GPR149: variants seen among roughly 807,000 people sequenced by gnomAD.
The protein encoded by GPR149 is G protein-coupled receptor 149, also known as probable G protein-coupled receptor 149.
Under a neutral mutation model 50.2 loss-of-function variants are expected in GPR149, and 50 were observed. The ratio of observed to expected loss-of-function variants is 1.00; its 90% confidence interval spans 0.79 to 1.26. The LOEUF (loss-of-function observed/expected upper bound fraction) is 1.26, where lower values mean the gene tolerates loss of function less well. Ranked by LOEUF, GPR149 falls within the 50% of genes most tolerant of loss-of-function variation. The probability of loss-of-function intolerance (pLI) is 0.00; values close to 1 mark genes in which losing one functional copy is unlikely to be tolerated. For synonymous variants in GPR149, 405 were observed against 358.2 expected (o/e 1.13, Z -1.48); for missense variants, 983 against 895.4 (o/e 1.10, Z -1.25).
chr3:154,426,672 T>C (rs1294086220), intron 2 of GPR149, among the ~76,000 whole-genome samples: 1 of 152,168 alleles, frequency 6.6e-6, no homozygotes, highest in Non-Finnish European at 1.5e-5. Context: ...TCTTAGCATA[T>C]GGGAACAATT....
chr3:154,352,716 A>T, intron 3 of GPR149: 1 of 784,632 alleles, frequency 1.3e-6, no homozygotes, highest in Non-Finnish European at 2.4e-6. Flanking sequence ...AAAAATCAAC[A>T]GCAGCATAAG....
At position 154,421,033 on chromosome 3, in the gene GPR149, C is replaced by A; in HGVS notation, c.1623+6G>T. On this transcript the variant is annotated splice_donor_region_variant and intron_variant, in intron 3 of 3. Transcript: ENST00000389740. ...AATTTAACAGCAAGAACAACTTTTACTGTACCTGACGAGGGGTTCTTTCTG... is the reference window on the plus strand; with the variant it reads ...AATTTAACAGCAAGAACAACTTTTAATGTACCTGACGAGGGGTTCTTTCTG... 6.3e-7 allele frequency: 1 copy of A among 1,577,168 alleles called. No homozygotes were observed. The highest frequency in any genetic ancestry group is 1.2e-5 in the South Asian group (1 of 85,208).
intron 3 of GPR149, among the ~76,000 whole-genome samples, chr3:154,397,909 C>T (rs1011261546): frequency 7.3e-5 from 11 of 151,522 alleles, no homozygotes; most frequent in African/African-American, 2.7e-4. Flanking sequence ...GTTGTAACTA[C>T]AGGTTGGCAA....
At chr3:154,369,310 C>T (rs1165861078) in intron 3 of GPR149, among the ~76,000 whole-genome samples, 2 of 152,226 alleles carry the variant, frequency 1.3e-5, no homozygotes. Flanking sequence ...ACTTGACCCT[C>T]TGAGGAAAGT....
In GPR149 at chr3:154,428,756, G is replaced by A. The variant is rs201467971; in HGVS notation, c.860C>T (p.Ala287Val). ...AGTCCCCCGGTTCTCACGCCTGCAG[G>A]CTTCAGCCCCAGCGGCAGCGGGCGC... ...PGAPAAAGAE[A>V]CRRENRGTLY... Residue 287 changes from alanine to valine, a missense_variant, in exon 1 of 4, where the codon GCC becomes GTC. Ala to Val is a moderately conservative substitution (Grantham distance 64, BLOSUM62 0). Transcript: ENST00000389740. 5.3e-4 allele frequency: 858 copies of A among 1,614,042 alleles called. 8 individuals are homozygous for A. The African/African-American group carries it at 0.01, about 20-fold the overall frequency.
chr3:154,353,410 G>A, intron 3 of GPR149: 2 of 1,109,982 alleles, frequency 1.8e-6, no homozygotes, highest in South Asian at 2.5e-5. Flanking sequence ...TAGGATTTGT[G>A]AATCACATCT....
At chr3:154,359,792 C>T (rs1209562755) in intron 3 of GPR149, among the ~76,000 whole-genome samples, 1 of 152,038 alleles carries the variant, frequency 6.6e-6, no homozygotes, top group African/African-American at 2.4e-5. Flanking sequence ...TGGACTAAAC[C>T]TTAATAGATA....
chr3:154,384,799 C>G (rs998737804), intron 3 of GPR149, among the ~76,000 whole-genome samples: 3 of 152,166 alleles, frequency 2.0e-5, no homozygotes, highest in Admixed American at 2.0e-4. Context: ...CAGGTTAGAG[C>G]TAATTTAGGG....
At chr3:154,397,227 A>C (rs1446656163) in intron 3 of GPR149, among the ~76,000 whole-genome samples, 1 of 152,160 alleles carries the variant, frequency 6.6e-6, no homozygotes, top group Non-Finnish European at 1.5e-5. Context: ...AAATGAAAAA[A>C]CAGAGCAAGA....
intron 3 of GPR149, among the ~76,000 whole-genome samples, chr3:154,379,751 A>G (rs888276093): frequency 9.9e-5 from 15 of 152,204 alleles, no homozygotes; most frequent in African/African-American, 3.1e-4. Context: ...CCAATTGCCC[A>G]TAAATGTAAG....
chr3:154,364,981 G>A (rs1714495808), intron 3 of GPR149, among the ~76,000 whole-genome samples: 2 of 152,166 alleles, frequency 1.3e-5, no homozygotes, highest in South Asian at 4.1e-4. Context: ...GGGACTTTTT[G>A]CAGTGGCCCC....
rs1273665616 is a variant in GPR149 at position 154,336,329 on chromosome 3, A to G, written c.*1370T>C. ...GAATTCTAATTCAACCTAATAAAACAGAAACCAAAATAAATCATTCTAAAA... is the reference window on the plus strand; with the variant it reads ...GAATTCTAATTCAACCTAATAAAACGGAAACCAAAATAAATCATTCTAAAA... On this transcript the variant is annotated 3_prime_UTR_variant, in exon 4 of 4. Coordinates refer to ENST00000389740, the MANE Select transcript of GPR149 (RefSeq NM_001038705.3). 6.6e-6 allele frequency: 1 copy of G among 152,148 alleles called. No individual in the cohort carries two copies. The highest frequency in any genetic ancestry group is 1.5e-5 in the Non-Finnish European group (1 of 67,952). 9.4% of individuals were successfully genotyped at this position (152,148 alleles called of 1,614,324 possible). A position where few individuals can be genotyped will look rare whatever the true frequency, so the allele number is the denominator to read the frequency against.
Position 154,421,320 on chromosome 3 carries a change from T to C in GPR149, c.1342A>G (p.Ile448Val). The part of the protein sequence containing the change: ...TKDPQRDNRN[I>V]FNAIKVEIST... ...ATTTCTACTTTTATAGCATTGAAGA[T>C]GTTACGGTTGTCTCTCTGAGGGTCT... Residue 448 changes from isoleucine (I) to valine (V), a missense_variant, in exon 3 of 4, where the codon ATC (isoleucine) becomes GTC (valine). Coordinates refer to ENST00000389740, the MANE Select transcript of GPR149 (RefSeq NM_001038705.3). 6.2e-7 allele frequency: 1 copy of C among 1,613,428 alleles called. No individual in the cohort carries two copies. Among genetic ancestry groups the C allele is most frequent in the Non-Finnish European group, 8.5e-7 (1 of 1,179,522 alleles).
At chr3:154,363,098 G>A (rs940742527) in intron 3 of GPR149, among the ~76,000 whole-genome samples, 1 of 152,164 alleles carries the variant, frequency 6.6e-6, no homozygotes, top group Non-Finnish European at 1.5e-5. Context: ...GAAGCAAATA[G>A]TTCAAGGGGA....
intron 3 of GPR149, among the ~76,000 whole-genome samples, chr3:154,394,761 G>A (rs986539885): frequency 6.6e-6 from 1 of 152,046 alleles, no homozygotes; most frequent in Non-Finnish European, 1.5e-5. Flanking sequence ...ATGCTCTGGG[G>A]TTGAATAGAT....
intron 1 of GPR149, among the ~76,000 whole-genome samples, chr3:154,428,012 C>T (rs1032173689): frequency 6.6e-6 from 1 of 152,192 alleles, no homozygotes; most frequent in Non-Finnish European, 1.5e-5. Context: ...AACAGGCGTC[C>T]GTGAAACCCG....
chr3:154,418,614 A>G (rs1412431638), intron 3 of GPR149, among the ~76,000 whole-genome samples: 1 of 122,506 alleles, frequency 8.2e-6, no homozygotes, highest in Non-Finnish European at 1.7e-5. Flanking sequence ...GAATTGAACA[A>G]TGAGATCACA....
intron 3 of GPR149, among the ~76,000 whole-genome samples, chr3:154,365,191 T>C (rs1296387039): frequency 2.0e-5 from 3 of 152,184 alleles, no homozygotes; most frequent in Non-Finnish European, 4.4e-5. Flanking sequence ...TTGATACCTT[T>C]TAACCCCACA....
intron 3 of GPR149, among the ~76,000 whole-genome samples, chr3:154,374,496 G>A (rs1266275584): frequency 6.6e-6 from 1 of 151,774 alleles, no homozygotes; most frequent in East Asian, 1.9e-4. Context: ...ATTCCCCAAG[G>A]GTCCCCAAAT....
Sources: allele counts gnomAD v4.1 joint callset (sites outside exome capture counted in the v4.1 genomes callset), GRCh38; gene constraint gnomAD v4.1.1; transcripts MANE v1.5; gene names NCBI Gene and HGNC (gene_info 2026-07-23, HGNC 2026-07-21).